TCF7L2: variants seen among roughly 807,000 people sequenced by gnomAD.
TCF7L2 encodes transcription factor 7-like 2.
In TCF7L2, 23 loss-of-function variants were observed where a neutral mutation model predicts 77.9. The observed-to-expected ratio is 0.30, with a 90% CI of 0.21 to 0.42. The LOEUF (loss-of-function observed/expected upper bound fraction) is 0.42. TCF7L2 is among the 10% of genes least tolerant of loss of function. The pLI is 1.00. For missense variants in TCF7L2, 654 were observed against 793.1 expected (o/e 0.82, Z 2.11); for synonymous variants, 413 against 340.2 (o/e 1.21, Z -2.36).
intron 4 of TCF7L2, among the ~76,000 whole-genome samples, chr10:113,000,205 G>GGAACAGA (rs1187264734): frequency 2.6e-5 from 4 of 152,198 alleles, no homozygotes; most frequent in Non-Finnish European, 5.9e-5. Flanking sequence ...TCTGAGACGA[G>GGAACAGA]TCTCACTCTG....
intron 5 of TCF7L2, among the ~76,000 whole-genome samples, chr10:113,070,456 C>T (rs1464996049): frequency 8.6e-5 from 13 of 151,982 alleles, no homozygotes; most frequent in Non-Finnish European, 1.8e-4. Flanking sequence ...TAATCCCAAA[C>T]AGATCCTAGC....
chr10:112,962,378 T>G (rs2035489934), intron 3 of TCF7L2, among the ~76,000 whole-genome samples: 1 of 149,068 alleles, frequency 6.7e-6, no homozygotes, highest in Non-Finnish European at 1.5e-5. Context: ...TACTCTGCTT[T>G]GAAGGAGAAC....
intron 4 of TCF7L2, among the ~76,000 whole-genome samples, chr10:113,012,935 G>A (rs942238765): frequency 6.6e-5 from 10 of 152,074 alleles, no homozygotes; most frequent in South Asian, 2.1e-4. Context: ...TACTCTACGC[G>A]TGTTGCTGAA....
intron 5 of TCF7L2, chr10:113,125,469 G>A (rs996561344): frequency 6.6e-6 from 1 of 151,786 alleles, no homozygotes; most frequent in Admixed American, 6.6e-5. Context: ...ACCTTAAGAT[G>A]ATGATATTGT....
chr10:113,052,466 A>T (rs939682108), intron 5 of TCF7L2, among the ~76,000 whole-genome samples: 3 of 152,200 alleles, frequency 2.0e-5, no homozygotes, highest in African/African-American at 7.2e-5. Context: ...TCAAATGTCC[A>T]TTTAGATGTC....
intron 4 of TCF7L2, among the ~76,000 whole-genome samples, chr10:112,986,778 T>C (rs1353371180): frequency 2.0e-5 from 3 of 152,282 alleles, no homozygotes; most frequent in Admixed American, 6.5e-5. Flanking sequence ...AGAACCCCAC[T>C]TAAGTGGGAG....
chr10:112,966,184 T>TTATATATATATATATATATATA lies in TCF7L2; in HGVS notation c.450+1566_450+1587dup, dbSNP rs141060651. Among the ~76,000 whole-genome samples, 107 of 114,178 alleles carry TTATATATATATATATATATATA rather than the reference T, an allele frequency of 9.4e-4. 4 individuals carry two copies. Among genetic ancestry groups the TTATATATATATATATATATATA allele is most frequent in the African/African-American group, 4.7e-3 (98 of 20,972 alleles). The allele number at this position is 114,178 out of a possible 152,430, so 74.9% of individuals were successfully genotyped here. ...GAGTGAGACTCTGTCTAAAATATAT[T>TTATATATATATATATATATATA]TATATATATATATATATATATATAT... On this transcript the variant is annotated intron_variant, in intron 4 of 13. Transcript: ENST00000627217.
At chr10:113,159,634 C>T (rs2072709146) in intron 12 of TCF7L2, among the ~76,000 whole-genome samples, 1 of 151,684 alleles carries the variant, frequency 6.6e-6, no homozygotes, top group African/African-American at 2.4e-5. Context: ...ATCTGAGAGA[C>T]AGTCCTTAAA....
At chr10:113,139,799 T>C (rs2068013945) in intron 5 of TCF7L2, among the ~76,000 whole-genome samples, 1 of 131,630 alleles carries the variant, frequency 7.6e-6, no homozygotes. Flanking sequence ...TTACATTCCT[T>C]CCTCACCCAT....
chr10:113,073,146 G>GAC (rs1327443321), intron 5 of TCF7L2, among the ~76,000 whole-genome samples: 6 of 151,040 alleles, frequency 4.0e-5, no homozygotes, highest in African/African-American at 7.3e-5. Context: ...GAGAGAGAGA[G>GAC]AGAGACAGAG....
At chr10:113,021,488 G>A (rs1020722984) in intron 4 of TCF7L2, among the ~76,000 whole-genome samples, 3 of 152,182 alleles carry the variant, frequency 2.0e-5, no homozygotes, top group Non-Finnish European at 4.4e-5. Context: ...TAGCAACGGT[G>A]GTAAGAGCTG....
chr10:113,154,252 C>T (rs756473493), intron 11 of TCF7L2, among the ~76,000 whole-genome samples: 5 of 152,192 alleles, frequency 3.3e-5, no homozygotes, highest in Admixed American at 6.5e-5. Flanking sequence ...TTTCCAGTAG[C>T]AGGCAGGCTC....
chr10:112,971,056 A>C (rs956054307), intron 4 of TCF7L2, among the ~76,000 whole-genome samples: 3 of 152,244 alleles, frequency 2.0e-5, no homozygotes, highest in African/African-American at 7.2e-5. Flanking sequence ...AGCTAATTTA[A>C]GTCCATACCT....
chr10:113,135,097 G>A (rs577555692), intron 5 of TCF7L2, among the ~76,000 whole-genome samples: 2 of 152,292 alleles, frequency 1.3e-5, no homozygotes, highest in Admixed American at 6.5e-5. Flanking sequence ...TTGTGGGGTC[G>A]GGGTGAGAGG....
At chr10:113,116,600 T>C (rs1219578818) in intron 5 of TCF7L2, among the ~76,000 whole-genome samples, 1 of 152,318 alleles carries the variant, frequency 6.6e-6, no homozygotes, top group Admixed American at 6.5e-5. Context: ...TTTATAAGAT[T>C]ACAAGGTAGT....
rs140803365 is a variant in TCF7L2, at chr10:113,013,586, T to C, written c.451-26439T>C. Among the ~76,000 whole-genome samples the C allele has an allele frequency of 3.2e-4, 48 of 152,178 alleles. 1 individual carries two copies. Among genetic ancestry groups the C allele is most frequent in the Admixed American group, 3.0e-3 (46 of 15,286 alleles). On this transcript the variant is annotated intron_variant, in intron 4 of 13. Coordinates refer to ENST00000627217, the MANE Select transcript of TCF7L2 (RefSeq NM_001146274.2). ...AGTGGATTTAAAGATTTTTTTGGTT[T>C]GTAATTGGTTAAGGAAGATAAGCTT...
At chr10:113,119,593 A>G (rs1409801405) in intron 5 of TCF7L2, among the ~76,000 whole-genome samples, 1 of 152,180 alleles carries the variant, frequency 6.6e-6, no homozygotes, top group East Asian at 1.9e-4. Context: ...ATAACTTGCA[A>G]GCAAAAAATA....
chr10:113,165,948 G>T lies in TCF7L2; in HGVS notation c.1785G>T (p.Ser595=). The T allele has an allele frequency of 6.5e-7, 1 of 1,537,076 alleles. No homozygotes were observed. The highest frequency in any genetic ancestry group is 8.8e-7 in the Non-Finnish European group (1 of 1,140,488). Residue 595 remains serine (S), a synonymous_variant, in exon 14 of 14, where the codon TCG becomes TCT. Transcript: ENST00000627217. ...CCGGGACCCAGCCCCAGCCGCTGTCGCTCGTCACCAAGTCTTTAGAATAGC... is the reference window on the plus strand; with the variant it reads ...CCGGGACCCAGCCCCAGCCGCTGTCTCTCGTCACCAAGTCTTTAGAATAGC...
intron 4 of TCF7L2, among the ~76,000 whole-genome samples, chr10:113,001,287 A>G (rs771803982): frequency 6.6e-6 from 1 of 152,200 alleles, no homozygotes; most frequent in Non-Finnish European, 1.5e-5. Flanking sequence ...AGAGTATTTT[A>G]TTTATGTGTT....
Sources: gnomAD v4.1 joint callset for allele counts (sites outside exome capture counted in the v4.1 genomes callset) on GRCh38, gnomAD v4.1.1 for gene constraint, MANE v1.5 for transcripts, NCBI Gene and HGNC (gene_info 2026-07-23, HGNC 2026-07-21) for gene names.